The following UBE3B variants were observed in gnomAD, a reference collection of about 807,000 sequenced individuals.
The protein encoded by UBE3B is ubiquitin protein ligase E3B.
Under a neutral mutation model 132.3 loss-of-function variants are expected in UBE3B, and 80 were observed. The ratio of observed to expected loss-of-function variants is 0.60; its 90% confidence interval spans 0.50 to 0.73. UBE3B has a LOEUF of 0.73. UBE3B is among the 30% of genes least tolerant of loss of function. The probability of loss-of-function intolerance (pLI) is 0.00; values close to 1 mark genes in which losing one functional copy is unlikely to be tolerated. For synonymous variants in UBE3B, 487 were observed against 520.4 expected, an observed-to-expected ratio of 0.94 and a Z score of 0.87; for missense variants, 1,196 against 1,362.5, an observed-to-expected ratio of 0.88 and a Z score of 1.92.
intron 8 of UBE3B, 139 bp downstream of exon 8, chr12:109,490,143 C>A (rs1566078442): frequency 1.1e-6 from 1 of 930,436 alleles, no homozygotes; most frequent in Admixed American, 2.0e-5. Context: ...CTGCTGTCCT[C>A]TTCTTCCTTC....
chr12:109,504,486 T>G (rs1013994583), intron 14 of UBE3B, among the ~76,000 whole-genome samples: 3 of 152,202 alleles, frequency 2.0e-5, no homozygotes, highest in Non-Finnish European at 2.9e-5. Context: ...GATACCAGGT[T>G]GTTGGCCCAA....
the UBE3B span, among the ~76,000 whole-genome samples, chr12:109,547,776 G>A: frequency 7.9e-5 from 12 of 151,964 alleles, no homozygotes; most frequent in South Asian, 1.0e-3. This position sits in a 1 kb window ranked among gnomAD's most constrained non-coding sequence, Gnocchi z 4.1. Context: ...GGTTCCCCAC[G>A]GTGCGCGTGC....
At position 109,521,187 on chromosome 12, in the gene UBE3B, A is replaced by C; in HGVS notation, c.2116A>C (p.Met706Leu). 1 of 1,614,194 alleles carries C rather than the reference A, an allele frequency of 6.2e-7. No homozygotes were observed. The highest frequency in any genetic ancestry group is 8.5e-7 in the Non-Finnish European group (1 of 1,180,030). ...EQLRQLSQHA[M>L]KGVIRVKFVN... Reference sequence around the variant, plus strand: ...GCTTAGGCAGCTCTCCCAGCACGCCATGAAGGGGGTCATCCGTGTGAAGTT... The same window carrying C: ...GCTTAGGCAGCTCTCCCAGCACGCCCTGAAGGGGGTCATCCGTGTGAAGTT... The change falls in exon 20 of 28, where the codon ATG becomes CTG. Residue 706 changes from methionine (M) to leucine (L), a missense_variant. By Grantham distance (15) the Met-to-Leu change is conservative. Transcript: ENST00000342494. The surrounding 1 kb of genome is among the most constrained non-coding windows in gnomAD (Gnocchi z 4.2).
intron 15 of UBE3B, among the ~76,000 whole-genome samples, chr12:109,508,235 T>C (rs901264512): frequency 6.6e-6 from 1 of 152,222 alleles, no homozygotes; most frequent in Non-Finnish European, 1.5e-5. Flanking sequence ...TATTGCAAAG[T>C]GCTTATCACA....
At chr12:109,516,681 A>G in intron 18 of UBE3B, 84 bp from the exon 19 acceptor site, 1 of 1,564,170 alleles carries the variant, frequency 6.4e-7, no homozygotes, top group Non-Finnish European at 8.7e-7. Flanking sequence ...ATCTAACTTC[A>G]GTTTCAGTCA....
chr12:109,485,076 A>G (rs1384965066), intron 4 of UBE3B, among the ~76,000 whole-genome samples: 5 of 152,196 alleles, frequency 3.3e-5, no homozygotes, highest in Non-Finnish European at 5.9e-5. Flanking sequence ...AATCTTGGCA[A>G]TTAATTTGAA....
rs1883335881 is a variant in UBE3B at position 109,535,344 on chromosome 12, A to C, written c.*562A>C. 6.6e-6 allele frequency: 1 copy of C among 152,278 alleles called. No homozygotes were observed. Among genetic ancestry groups the C allele is most frequent in the African/African-American group, 2.4e-5 (1 of 41,458 alleles). The allele number at this position is 152,278 out of a possible 1,614,324, so 9.4% of individuals were successfully genotyped here. ...GCCCATCTGCTGCCCAGGGAAGCGC[A>C]GGCGCCTGCTAGGGACGCTATGGAC... On this transcript the variant is annotated 3_prime_UTR_variant, in exon 28 of 28. Transcript: ENST00000342494.
chr12:109,509,517 G>A (rs1880096951), intron 15 of UBE3B, 79 bp from the exon 16 acceptor site: 2 of 808,366 alleles, frequency 2.5e-6, no homozygotes, highest in South Asian at 3.5e-5. Context: ...CTCGTTTATT[G>A]TCTAGTAAGC....
At chr12:109,505,983 C>T (rs1413343423) in intron 14 of UBE3B, among the ~76,000 whole-genome samples, 3 of 152,176 alleles carry the variant, frequency 2.0e-5, no homozygotes, top group Non-Finnish European at 4.4e-5. Flanking sequence ...ATTTCAGATC[C>T]AGCCTTTCTA....
intron 8 of UBE3B, 38 bp downstream of exon 8, chr12:109,490,042 C>G: frequency 6.3e-7 from 1 of 1,580,652 alleles, no homozygotes. Context: ...AACTTCTCCA[C>G]TCTCCAACAC....
At chr12:109,539,707 G>A (rs1314832192), downstream of UBE3B, among the ~76,000 whole-genome samples, 1 of 152,182 alleles carries the variant, frequency 6.6e-6, no homozygotes, top group African/African-American at 2.4e-5. Flanking sequence ...TCTGGAGTTT[G>A]TTTTTGAAAC....
At chr12:109,498,150 G>A in intron 10 of UBE3B, 83 bp from the exon 11 acceptor site, 2 of 1,563,284 alleles carry the variant, frequency 1.3e-6, no homozygotes, top group Non-Finnish European at 1.7e-6. Flanking sequence ...ATAACCACGG[G>A]TGATCTGCAA....
intron 21 of UBE3B, among the ~76,000 whole-genome samples, chr12:109,523,678 T>G (rs1175515660): frequency 6.8e-6 from 1 of 146,768 alleles, no homozygotes; most frequent in Non-Finnish European, 1.5e-5. Flanking sequence ...AGGCTGGTGC[T>G]GCCCCCCACT....
the UBE3B span, among the ~76,000 whole-genome samples, chr12:109,543,416 C>T: frequency 6.6e-6 from 1 of 152,234 alleles, no homozygotes; most frequent in African/African-American, 2.4e-5. Flanking sequence ...GAGGCCCTAA[C>T]GGTTTGGGGT....
Position 109,526,404 on chromosome 12 carries a change from C to G in UBE3B, c.2615C>G (p.Thr872Arg). Residue 872 changes from threonine to arginine, a missense_variant, in exon 24 of 28, where the codon ACA becomes AGA. Transcript: ENST00000342494. ...CCTGGAGGGAAGACCATTCCTGTTA[C>G]AAATGAAAATAAGTGAGTATAGCAA... Reference protein sequence around the residue: ...LIPGGKTIPVTNENKISYIHL... With the variant: ...LIPGGKTIPVRNENKISYIHL... 1 of 1,614,092 alleles carries G rather than the reference C, an allele frequency of 6.2e-7. No individual in the cohort carries two copies. The highest frequency in any genetic ancestry group is 8.5e-7 in the Non-Finnish European group (1 of 1,180,010).
At position 109,523,970 on chromosome 12, in the gene UBE3B, T is replaced by C. The variant is rs368215388; in HGVS notation, c.2365-8T>C. 1.9e-6 allele frequency: 3 copies of C among 1,613,566 alleles called. No individual in the cohort carries two copies. Among genetic ancestry groups the C allele is most frequent in the African/African-American group, 1.3e-5 (1 of 74,900 alleles). ...CTGATGGACAGCTCTGCTTCTCTGCTCTCCCAGGGAATTGTGGTGGACGTG... is the reference window on the plus strand; with the variant it reads ...CTGATGGACAGCTCTGCTTCTCTGCCCTCCCAGGGAATTGTGGTGGACGTG... On this transcript the variant is annotated splice_polypyrimidine_tract_variant and splice_region_variant and intron_variant, in intron 21 of 27. Transcript: ENST00000342494.
intron 3 of UBE3B, 32 bp downstream of exon 3, chr12:109,483,744 C>A (rs1415097574): frequency 1.3e-6 from 2 of 1,574,186 alleles, no homozygotes; most frequent in African/African-American, 1.4e-5. Flanking sequence ...GCACATGATT[C>A]TCTGGCTCCC....
intron 18 of UBE3B, among the ~76,000 whole-genome samples, chr12:109,516,464 C>T (rs1415992409): frequency 6.6e-6 from 1 of 151,982 alleles, no homozygotes; most frequent in Non-Finnish European, 1.5e-5. Context: ...GGCGTGAGCC[C>T]CCACGCCCAG....
intron 26 of UBE3B, among the ~76,000 whole-genome samples, chr12:109,533,243 A>G (rs976452494): frequency 7.2e-5 from 11 of 152,120 alleles, no homozygotes; most frequent in East Asian, 3.9e-4. Context: ...CCTATTGGGT[A>G]TGGGTTTCAT....
Sources: gnomAD v4.1 joint callset for allele counts (sites outside exome capture counted in the v4.1 genomes callset) on GRCh38, gnomAD v4.1.1 for gene constraint, Gnocchi (gnomAD v3.1) non-coding constraint, MANE v1.5 for transcripts, NCBI Gene and HGNC (gene_info 2026-07-23, HGNC 2026-07-21) for gene names.